PPP2R2B: variants seen among roughly 807,000 people sequenced by gnomAD.
PPP2R2B encodes serine/threonine-protein phosphatase 2A 55 kDa regulatory subunit B beta isoform.
In PPP2R2B, 5 loss-of-function variants were observed where a neutral mutation model predicts 46.0. That is an observed-to-expected ratio of 0.11 (90% confidence interval 0.06 to 0.23). The LOEUF (loss-of-function observed/expected upper bound fraction) is 0.23. Ranked by LOEUF, PPP2R2B falls within the 10% of genes least tolerant of loss-of-function variation. The pLI is 1.00. For missense variants in PPP2R2B, 367 were observed against 575.0 expected (o/e 0.64, Z 3.70); for synonymous variants, 215 against 206.7 (o/e 1.04, Z -0.34).
intron 2 of PPP2R2B, among the ~76,000 whole-genome samples, chr5:146,779,489 G>A (rs1304159103): frequency 6.6e-6 from 1 of 152,118 alleles, no homozygotes; most frequent in Non-Finnish European, 1.5e-5. Context: ...AATGACTGCC[G>A]GCCCGGTGAT....
chr5:147,005,193 A>G (rs1483699757), intron 1 of PPP2R2B, among the ~76,000 whole-genome samples: 1 of 152,194 alleles, frequency 6.6e-6, no homozygotes, highest in Non-Finnish European at 1.5e-5. Context: ...GCTGCCGGAT[A>G]TGATCTCTTA....
chr5:146,906,775 T>C (rs1486978793), intron 1 of PPP2R2B, among the ~76,000 whole-genome samples: 1 of 152,170 alleles, frequency 6.6e-6, no homozygotes, highest in Non-Finnish European at 1.5e-5. Context: ...ACCTTATACG[T>C]CTATTGGGCA....
At chr5:146,685,161 T>G (rs1041959297) in intron 5 of PPP2R2B, among the ~76,000 whole-genome samples, 3 of 152,114 alleles carry the variant, frequency 2.0e-5, no homozygotes, top group Non-Finnish European at 4.4e-5. Context: ...CTCACTGTTG[T>G]TTAAATCAAG....
At chr5:146,826,495 TCA>T (rs1239674616) in intron 2 of PPP2R2B, among the ~76,000 whole-genome samples, 1 of 152,140 alleles carries the variant, frequency 6.6e-6, no homozygotes, top group African/African-American at 2.4e-5. Flanking sequence ...AAGATAATCT[TCA>T]GTTTCCATGA....
rs187153252 is a variant in PPP2R2B, at chr5:146,699,600, T to C, written c.168+1445A>G. On this transcript the variant is annotated intron_variant, in intron 3 of 9. Coordinates refer to ENST00000394411, the MANE Select transcript of PPP2R2B (RefSeq NM_181675.4). ...GAATATTACTGGCAACATGCTGCCTTGGGTAATTTATGCTAAATAGCTCCT... is the reference window on the plus strand; with the variant it reads ...GAATATTACTGGCAACATGCTGCCTCGGGTAATTTATGCTAAATAGCTCCT... Among the ~76,000 whole-genome samples the C allele has an allele frequency of 8.2e-3, 1,238 of 151,398 alleles. 17 individuals are homozygous for C. The highest frequency in any genetic ancestry group is 0.017 in the Admixed American group (263 of 15,210).
At chr5:146,946,064 G>A (rs190638368) in intron 1 of PPP2R2B, among the ~76,000 whole-genome samples, 1 of 152,234 alleles carries the variant, frequency 6.6e-6, no homozygotes, top group Admixed American at 6.5e-5. Context: ...CAAGCCAGCC[G>A]TTAGTCATGT....
At chr5:146,635,149 T>G (rs1296604434) in intron 7 of PPP2R2B, among the ~76,000 whole-genome samples, 7 of 152,260 alleles carry the variant, frequency 4.6e-5, no homozygotes, top group Admixed American at 1.3e-4. Context: ...GTCCTTAATA[T>G]TTCTACTTTC....
chr5:146,639,995 C>T (rs1015754222), intron 6 of PPP2R2B, among the ~76,000 whole-genome samples: 1 of 152,182 alleles, frequency 6.6e-6, no homozygotes, highest in Non-Finnish European at 1.5e-5. Flanking sequence ...GTCTTGTATG[C>T]TTTTCATTAA....
chr5:146,728,641 T>C (rs924443939), intron 2 of PPP2R2B, among the ~76,000 whole-genome samples: 4 of 152,174 alleles, frequency 2.6e-5, no homozygotes, highest in South Asian at 2.1e-4. Flanking sequence ...TTCCCATGTG[T>C]TGTGGGAGGG....
chr5:146,899,594 T>TGCA lies in PPP2R2B; in HGVS notation c.79+156068_79+156070dup, dbSNP rs566730592. Among the ~76,000 whole-genome samples the TGCA allele has an allele frequency of 5.1e-3, 775 of 152,108 alleles. 8 individuals carry two copies. The highest frequency in any genetic ancestry group is 0.017 in the African/African-American group (715 of 41,484). ...ACATATGTAACTAACCTGCACATTGTGCACATGTACCCTAAAACTTAAAGT... is the reference window on the plus strand; with the variant it reads ...ACATATGTAACTAACCTGCACATTGTGCAGCACATGTACCCTAAAACTTAAAGT... On this transcript the variant is annotated intron_variant, in intron 1 of 8. Transcript: ENST00000336640.
At chr5:146,977,853 T>C (rs1752991815) in intron 1 of PPP2R2B, among the ~76,000 whole-genome samples, 1 of 152,190 alleles carries the variant, frequency 6.6e-6, no homozygotes, top group Non-Finnish European at 1.5e-5. Flanking sequence ...CATGTGTCTT[T>C]ATAGTAGAAT....
chr5:146,929,714 T>C (rs10041195), intron 1 of PPP2R2B, among the ~76,000 whole-genome samples: 3,803 of 152,234 alleles, frequency 0.025, 168 homozygotes, highest in African/African-American at 0.087. Context: ...TATATTACAT[T>C]GTATAAATAA....
intron 4 of PPP2R2B, 151 bp from the exon 5 acceptor site, chr5:146,691,391 C>T (rs1778844015): frequency 3.3e-6 from 2 of 610,274 alleles, no homozygotes; most frequent in Admixed American, 3.1e-5. Flanking sequence ...GCATAAATCC[C>T]ATGTCATTTG....
At chr5:146,683,749 T>C (rs1199916560) in intron 5 of PPP2R2B, among the ~76,000 whole-genome samples, 6 of 152,156 alleles carry the variant, frequency 3.9e-5, no homozygotes, top group Non-Finnish European at 8.8e-5. Context: ...GTGAGGGTAG[T>C]GGTTAAATTC....
At chr5:146,814,884 C>G (rs1757836458) in intron 2 of PPP2R2B, among the ~76,000 whole-genome samples, 1 of 152,186 alleles carries the variant, frequency 6.6e-6, no homozygotes, top group Non-Finnish European at 1.5e-5. Context: ...TCCAAGTGCA[C>G]TTTCCTTCCT....
chr5:146,923,124 C>T lies in PPP2R2B; in HGVS notation c.79+132541G>A, dbSNP rs139429007. Among the ~76,000 whole-genome samples, 857 of 152,222 alleles carry T rather than the reference C, an allele frequency of 5.6e-3. 6 individuals are homozygous for T. The highest frequency in any genetic ancestry group is 0.02 in the African/African-American group (827 of 41,548). On this transcript the variant is annotated intron_variant, in intron 1 of 8. Transcript: ENST00000336640. ...TTCCGCTACATGAGAGTCTAAATTT[C>T]TTTTTTTGTTTAGCCGGTTTTGAGC...
intron 2 of PPP2R2B, among the ~76,000 whole-genome samples, chr5:146,852,926 G>A (rs960903885): frequency 1.3e-5 from 2 of 152,098 alleles, no homozygotes; most frequent in African/African-American, 4.8e-5. Flanking sequence ...TGCAATTAGA[G>A]CTTTGGATTA....
chr5:147,069,785 G>GTTCTTTTTTTTTTTTTTTTT (rs1757522379), intron 2 of PPP2R2B, among the ~76,000 whole-genome samples: 1 of 64,786 alleles, frequency 1.5e-5, no homozygotes, highest in African/African-American at 7.5e-5. Flanking sequence ...ATTTTATACT[G>GTTCTTTTTTTTTTTTTTTTT]TTTTTTTTTT....
intron 2 of PPP2R2B, among the ~76,000 whole-genome samples, chr5:146,780,806 T>C (rs1172105200): frequency 1.3e-5 from 2 of 152,066 alleles, no homozygotes. Context: ...TCAAACACCA[T>C]CTAGAATATA....
Sources: allele counts gnomAD v4.1 joint callset (sites outside exome capture counted in the v4.1 genomes callset), GRCh38; gene constraint gnomAD v4.1.1; transcripts MANE v1.5; gene names NCBI Gene and HGNC (gene_info 2026-07-23, HGNC 2026-07-21).